NRP2: variants seen among roughly 807,000 people sequenced by gnomAD.
NRP2 encodes neuropilin 2, also known as neuropilin-2.
In NRP2, 52 loss-of-function variants were observed where a neutral mutation model predicts 110.4. That is an observed-to-expected ratio of 0.47 (90% CI 0.38 to 0.59). The LOEUF (loss-of-function observed/expected upper bound fraction) is 0.59, where lower values mean the gene tolerates loss of function less well. NRP2 is among the 20% of genes least tolerant of loss of function. NRP2 has a pLI of 0.00. For synonymous variants in NRP2, 508 were observed against 468.9 expected (o/e 1.08, Z -1.08); for missense variants, 1,049 against 1,203.0 (o/e 0.87, Z 1.89).
chr2:205,776,050 C>A, intron 15 of NRP2: 1 of 735,734 alleles, frequency 1.4e-6, no homozygotes, highest in Non-Finnish European at 2.5e-6. Context: ...AGCTACCTCC[C>A]AAGGGGGTAA....
At chr2:205,776,838 A>G in intron 15 of NRP2, 1 of 1,284,030 alleles carries the variant, frequency 7.8e-7, no homozygotes, top group Non-Finnish European at 9.9e-7. Flanking sequence ...TGTTCCAGAG[A>G]CTGGTTCGCT....
Position 205,708,055 on chromosome 2 carries a change from G to GTGC in NRP2, c.252-8128_252-8126dup, listed in dbSNP as rs552012872. On this transcript the variant is annotated intron_variant, in intron 2 of 16. Coordinates refer to ENST00000357785, the MANE Select transcript of NRP2 (RefSeq NM_003872.3). Reference sequence around the variant, plus strand: ...CTGGGATTCACCTTTACACCTGCTAGTGCTGCTGCTGCCGCTGAGAAAAAC... The same window carrying GTGC: ...CTGGGATTCACCTTTACACCTGCTAGTGCTGCTGCTGCTGCCGCTGAGAAAAAC... 2.6e-5 allele frequency among the ~76,000 whole-genome samples: 4 copies of GTGC among 152,350 alleles called. No homozygotes were observed. The South Asian group carries it at 8.3e-4, about 32-fold the overall frequency.
At chr2:205,748,868 G>A (rs552587240) in intron 10 of NRP2, among the ~76,000 whole-genome samples, 1 of 152,306 alleles carries the variant, frequency 6.6e-6, no homozygotes, top group Admixed American at 6.5e-5. Context: ...TGAATGACGG[G>A]CATGAGCAAA....
intron 3 of NRP2, among the ~76,000 whole-genome samples, chr2:205,720,456 G>A (rs538055847): frequency 6.9e-4 from 105 of 152,176 alleles, no homozygotes; most frequent in Middle Eastern, 3.4e-3. Context: ...GAAAGATTCC[G>A]CCAGAAAATT....
intron 2 of NRP2, among the ~76,000 whole-genome samples, chr2:205,713,990 C>T (rs2056846702): frequency 6.6e-6 from 1 of 152,210 alleles, no homozygotes; most frequent in African/African-American, 2.4e-5. Context: ...GCTGATACTA[C>T]ACCTCTGCTC....
chr2:205,749,973 T>TG (rs1026432263), intron 11 of NRP2, 132 bp downstream of exon 11: 72 of 754,018 alleles, frequency 9.5e-5, no homozygotes, highest in Non-Finnish European at 1.6e-4. Context: ...GTAAGAGAGG[T>TG]GGGGGCACTT....
intron 3 of NRP2, chr2:205,722,166 C>CA (rs2057028923): frequency 5.8e-6 from 2 of 347,652 alleles, no homozygotes; most frequent in African/African-American, 4.7e-5. Context: ...CTCTCTCTCT[C>CA]TCTCATACAC....
intron 7 of NRP2, among the ~76,000 whole-genome samples, chr2:205,728,659 T>C (rs2057177127): frequency 6.6e-6 from 1 of 152,194 alleles, no homozygotes; most frequent in South Asian, 2.1e-4. Context: ...GGGCTTTTGT[T>C]GTATACATAT....
chr2:205,792,725 A>C (rs139491580), intron 16 of NRP2, among the ~76,000 whole-genome samples: 239 of 152,252 alleles, frequency 1.6e-3, no homozygotes, highest in African/African-American at 5.4e-3. Flanking sequence ...CACACTATTC[A>C]AGATTCCAAT....
chr2:205,704,120 T>C (rs527869792), intron 2 of NRP2, among the ~76,000 whole-genome samples: 5 of 152,198 alleles, frequency 3.3e-5, no homozygotes, highest in South Asian at 2.1e-4. Flanking sequence ...TGCCTGAAAG[T>C]GGGGTTTGGC....
At chr2:205,727,831 A>G in intron 6 of NRP2, 60 bp from the exon 7 acceptor site, 2 of 1,534,084 alleles carry the variant, frequency 1.3e-6, no homozygotes, top group South Asian at 2.5e-5. Context: ...TTTGGAAAAA[A>G]ACAAGACACT....
chr2:205,691,102 T>C (rs547915370), intron 1 of NRP2, among the ~76,000 whole-genome samples: 1 of 152,308 alleles, frequency 6.6e-6, no homozygotes, highest in Admixed American at 6.5e-5. Context: ...ATTCACCAAA[T>C]CTTGATGAGT....
At position 205,765,567 on chromosome 2, in the gene NRP2, A is replaced by G; in HGVS notation, c.2401A>G (p.Met801Val). The G allele has an allele frequency of 6.2e-7, 1 of 1,610,402 alleles. No individual in the cohort carries two copies. The highest frequency in any genetic ancestry group is 8.5e-7 in the Non-Finnish European group (1 of 1,176,596). Residue 801 changes from methionine (M) to valine (V), a missense_variant, in exon 14 of 17, where the codon ATG (methionine) becomes GTG (valine). Coordinates refer to ENST00000357785, the MANE Select transcript of NRP2 (RefSeq NM_003872.3). ...CACTGATGTCCCACTGGAGAACTGC[A>G]TGGGTATGTGAATATCTGTCTCTTC... ...ISTDVPLENC[M>V]EPISAFAVDI...
At chr2:205,690,981 G>T (rs532174589) in intron 1 of NRP2, among the ~76,000 whole-genome samples, 1 of 152,158 alleles carries the variant, frequency 6.6e-6, no homozygotes, top group East Asian at 1.9e-4. Flanking sequence ...GCTGGGGGTG[G>T]GGAGGGAAGC....
intron 2 of NRP2, among the ~76,000 whole-genome samples, chr2:205,707,148 A>G (rs1273558999): frequency 4.6e-5 from 7 of 152,124 alleles, no homozygotes; most frequent in Non-Finnish European, 8.8e-5. Context: ...ACAAACCCCA[A>G]CCTGTTCTCT....
chr2:205,693,923 C>G (rs1185962168), intron 1 of NRP2, among the ~76,000 whole-genome samples: 1 of 152,250 alleles, frequency 6.6e-6, no homozygotes, highest in Non-Finnish European at 1.5e-5. Flanking sequence ...ATATTATTGT[C>G]AAGTTCAGGT....
intron 3 of NRP2, among the ~76,000 whole-genome samples, chr2:205,719,202 G>A (rs1258046204): frequency 1.3e-5 from 2 of 152,134 alleles, no homozygotes; most frequent in South Asian, 2.1e-4. Flanking sequence ...AAGAAGCGGG[G>A]GAAACTGTAA....
chr2:205,753,266 A>G (rs1432728452), intron 12 of NRP2, among the ~76,000 whole-genome samples: 1 of 152,196 alleles, frequency 6.6e-6, no homozygotes. Flanking sequence ...AGGCCCTAGG[A>G]GATGGGGCAC....
intron 9 of NRP2, among the ~76,000 whole-genome samples, chr2:205,744,673 A>AG (rs2057505640): frequency 6.6e-6 from 1 of 152,186 alleles, no homozygotes; most frequent in Non-Finnish European, 1.5e-5. Flanking sequence ...TCCCTAAAAA[A>AG]GGAGGGAGTT....
Sources: allele counts gnomAD v4.1 joint callset (sites outside exome capture counted in the v4.1 genomes callset), GRCh38; gene constraint gnomAD v4.1.1; transcripts MANE v1.5; gene names NCBI Gene and HGNC (gene_info 2026-07-23, HGNC 2026-07-21).